Variants in EFCAB7 observed in about 807,000 individuals in gnomAD.
The protein encoded by EFCAB7 is EF-hand calcium-binding domain-containing protein 7.
In EFCAB7, 66 loss-of-function variants were observed where a neutral mutation model predicts 77.1. The ratio of observed to expected loss-of-function variants is 0.86; its 90% confidence interval spans 0.70 to 1.05. The LOEUF is 1.05. EFCAB7 is among the 50% of genes least tolerant of loss of function. The pLI is 0.00. For missense variants in EFCAB7, 638 were observed against 730.5 expected (o/e 0.87, Z 1.46); for synonymous variants, 225 against 243.3 (o/e 0.92, Z 0.70).
chr1:63,579,671 A>G, the EFCAB7 span, among the ~76,000 whole-genome samples: 1 of 152,198 alleles, frequency 6.6e-6, no homozygotes, highest in Non-Finnish European at 1.5e-5. Flanking sequence ...GCAGCAATGT[A>G]GGAGAATTCC....
chr1:63,557,037 C>CAA (rs35668099), intron 9 of EFCAB7, 77 bp from the exon 10 acceptor site: 32,512 of 927,144 alleles, frequency 0.035, 32 homozygotes, highest in Middle Eastern at 0.048. Flanking sequence ...GACTCCGTCT[C>CAA]AAAAAAAAAA....
intron 6 of EFCAB7, among the ~76,000 whole-genome samples, chr1:63,540,769 T>C (rs1322998229): frequency 6.6e-6 from 1 of 152,186 alleles, no homozygotes; most frequent in Non-Finnish European, 1.5e-5. Flanking sequence ...ATATCTTGTA[T>C]ACCCCAAAGG....
chr1:63,557,461 A>T (rs575334129), intron 10 of EFCAB7, among the ~76,000 whole-genome samples: 2 of 152,204 alleles, frequency 1.3e-5, no homozygotes, highest in African/African-American at 4.8e-5. Context: ...GAAAGTGTGA[A>T]TTACTTAATC....
At chr1:63,572,181 T>G (rs1454951462) in intron 13 of EFCAB7, among the ~76,000 whole-genome samples, 1 of 152,214 alleles carries the variant, frequency 6.6e-6, no homozygotes, top group Non-Finnish European at 1.5e-5. Flanking sequence ...AAAGGATATT[T>G]TCTCCTCTTT....
chr1:63,529,283 T>C (rs554621233), intron 2 of EFCAB7: 24 of 152,314 alleles, frequency 1.6e-4, no homozygotes, highest in South Asian at 1.0e-3. Flanking sequence ...CAACTACAAC[T>C]TCTGTTAGCT....
intron 6 of EFCAB7, among the ~76,000 whole-genome samples, chr1:63,537,236 C>T (rs1009658105): frequency 3.3e-5 from 5 of 152,158 alleles, no homozygotes; most frequent in Non-Finnish European, 5.9e-5. Flanking sequence ...AGAGGAATAG[C>T]TTCACCTTCC....
intron 7 of EFCAB7, chr1:63,549,601 G>C (rs948098210): frequency 2.3e-6 from 1 of 434,268 alleles, no homozygotes; most frequent in Non-Finnish European, 4.6e-6. Flanking sequence ...GACAGATTTG[G>C]CTCTAGTAAG....
chr1:63,533,764 G>T (rs1354979041), intron 5 of EFCAB7, 115 bp downstream of exon 5: 1 of 786,588 alleles, frequency 1.3e-6, no homozygotes, highest in African/African-American at 1.8e-5. Flanking sequence ...TCTAACTTTT[G>T]TTAGCTACTA....
chr1:63,537,235 GCTTCA>G (rs1646773706), intron 6 of EFCAB7, among the ~76,000 whole-genome samples: 1 of 152,174 alleles, frequency 6.6e-6, no homozygotes, highest in African/African-American at 2.4e-5. Flanking sequence ...GAGAGGAATA[GCTTCA>G]CCTTCCTTGC....
chr1:63,571,173 G>GA (rs769125603), intron 13 of EFCAB7, 45 bp downstream of exon 13: 17 of 1,414,184 alleles, frequency 1.2e-5, no homozygotes, highest in Non-Finnish European at 1.6e-5. Context: ...TTATGTCTTT[G>GA]AAAAAAATTT....
In EFCAB7 at chr1:63,561,725, G is replaced by A; in HGVS notation, c.1365G>A (p.Lys455=). ...TTTAAACAGAGAATTTTGATACAAA[G>A]AGGAATGAACTAACAAGACAAGGAT... ...WAVCRENFDT[K]RNELTRQGFM... Residue 455 remains lysine (K), a synonymous_variant, in exon 11 of 14, where the codon AAG becomes AAA. Coordinates refer to ENST00000371088, the MANE Select transcript of EFCAB7 (RefSeq NM_032437.4). 2 of 1,588,156 alleles carry A rather than the reference G, an allele frequency of 1.3e-6. No homozygotes were observed. Among genetic ancestry groups the A allele is most frequent in the Non-Finnish European group, 1.7e-6 (2 of 1,169,172 alleles).
At chr1:63,576,713 A>G (rs1404435919), downstream of EFCAB7, among the ~76,000 whole-genome samples, 1 of 147,978 alleles carries the variant, frequency 6.8e-6, no homozygotes, top group Admixed American at 6.8e-5. Context: ...GGCATCTGTA[A>G]TAATCCCAGC....
At chr1:63,580,756 C>T in the EFCAB7 span, among the ~76,000 whole-genome samples, 2 of 152,064 alleles carry the variant, frequency 1.3e-5, no homozygotes, top group Non-Finnish European at 2.9e-5. Flanking sequence ...CTTTGATCAG[C>T]ATTTTGTAGT....
intron 5 of EFCAB7, among the ~76,000 whole-genome samples, 185 bp downstream of exon 5, chr1:63,533,834 C>T (rs1646730754): frequency 6.6e-6 from 1 of 152,090 alleles, no homozygotes; most frequent in African/African-American, 2.4e-5. Context: ...TGGAACTTGA[C>T]TTAGCTATGC....
chr1:63,570,499 T>C (rs1647227892), intron 12 of EFCAB7: 1 of 152,234 alleles, frequency 6.6e-6, no homozygotes, highest in Admixed American at 6.5e-5. Flanking sequence ...TATTTGTCTG[T>C]CTCCCCTAGA....
At chr1:63,536,840 T>C (rs1211717439) in intron 6 of EFCAB7, 1 of 152,206 alleles carries the variant, frequency 6.6e-6, no homozygotes, top group East Asian at 1.9e-4. Context: ...GAAAAGTACT[T>C]GGTTGTGAAT....
chr1:63,531,749 G>A (rs1400104799), intron 2 of EFCAB7, 71 bp from the exon 3 acceptor site: 2 of 1,297,408 alleles, frequency 1.5e-6, no homozygotes, highest in African/African-American at 1.5e-5. Flanking sequence ...ATAATGATTT[G>A]AAGAAAAAAA....
intron 6 of EFCAB7, among the ~76,000 whole-genome samples, chr1:63,537,491 G>T (rs1646777297): frequency 6.6e-6 from 1 of 152,104 alleles, no homozygotes; most frequent in African/African-American, 2.4e-5. Context: ...GTCTATATAT[G>T]GCAATACAAA....
the EFCAB7 span, among the ~76,000 whole-genome samples, chr1:63,580,777 C>T: frequency 2.6e-5 from 4 of 152,162 alleles, no homozygotes; most frequent in African/African-American, 4.8e-5. Context: ...TTTCAGCATA[C>T]AGCTCCTATA....
Sources: allele counts gnomAD v4.1 joint callset (sites outside exome capture counted in the v4.1 genomes callset), GRCh38; gene constraint gnomAD v4.1.1; transcripts MANE v1.5; gene names NCBI Gene and HGNC (gene_info 2026-07-23, HGNC 2026-07-21).